SEMA4B: variants seen among roughly 807,000 people sequenced by gnomAD.
SEMA4B encodes the protein semaphorin 4B, also known as semaphorin-4B.
SEMA4B carries 55 observed loss-of-function variants against 88.1 expected under a neutral mutation model. The observed-to-expected ratio is 0.62, with a 90% CI of 0.50 to 0.78. The LOEUF is 0.78. Ranked by LOEUF, SEMA4B falls within the 30% of genes least tolerant of loss-of-function variation. The pLI is 0.00. For missense variants in SEMA4B, 1,062 were observed against 1,111.9 expected (o/e 0.96, Z 0.64); for synonymous variants, 525 against 473.6 (o/e 1.11, Z -1.41).
chr15:90,185,222 C>A (rs1960129246), intron 1 of SEMA4B: 1 of 377,266 alleles, frequency 2.7e-6, no homozygotes, highest in Non-Finnish European at 3.7e-6. Flanking sequence ...GCGCCACCTG[C>A]ACGCTCTGAT....
chr15:90,228,895 C>T lies in SEMA4B; in HGVS notation c.*252C>T. On this transcript the variant is annotated 3_prime_UTR_variant, in exon 14 of 14. Coordinates refer to ENST00000411539, the MANE Select transcript of SEMA4B (RefSeq NM_198925.4). ...GCCTGCCTAGGTTGGTGGAACAGTG[C>T]TCCTTATGTAAACTGAGCCCTTTGT... 1.7e-6 allele frequency: 1 copy of T among 582,170 alleles called. No homozygotes were observed. Among genetic ancestry groups the T allele is most frequent in the Non-Finnish European group, 3.0e-6 (1 of 328,228 alleles). The allele number at this position is 582,170 out of a possible 1,614,324, so 36.1% of individuals were successfully genotyped here.
intron 1 of SEMA4B, among the ~76,000 whole-genome samples, chr15:90,216,392 G>A (rs761957836): frequency 6.6e-6 from 1 of 151,994 alleles, no homozygotes; most frequent in Non-Finnish European, 1.5e-5. Flanking sequence ...TCACCGTACT[G>A]TATTCACTTC....
intron 3 of SEMA4B, 173 bp downstream of exon 3, chr15:90,218,002 T>A: frequency 1.7e-6 from 1 of 584,500 alleles, no homozygotes; most frequent in South Asian, 2.0e-5. Context: ...CTTACATCGC[T>A]ACGACCTTCG....
chr15:90,197,152 C>T (rs8038266), upstream of SEMA4B, among the ~76,000 whole-genome samples: 1 of 151,904 alleles, frequency 6.6e-6, no homozygotes, highest in African/African-American at 2.4e-5. Flanking sequence ...TTTGGGAGGC[C>T]GAGGTGGGCA....
At chr15:90,225,975 C>G in intron 12 of SEMA4B, 148 bp downstream of exon 12, 1 of 584,712 alleles carries the variant, frequency 1.7e-6, no homozygotes, top group Non-Finnish European at 2.7e-6. Flanking sequence ...CCTGCTTCCT[C>G]TCAAGTGCAA....
At position 90,201,384 on chromosome 15, in the gene SEMA4B, G is replaced by A. The variant is rs973908484; in HGVS notation, c.-195G>A. 3.2e-6 allele frequency: 4 copies of A among 1,263,512 alleles called. No homozygotes were observed. The highest frequency in any genetic ancestry group is 3.3e-5 in the East Asian group (1 of 30,294). The allele number at this position is 1,263,512 out of a possible 1,614,324, so 78.3% of individuals were successfully genotyped here. A position where few individuals can be genotyped will look rare whatever the true frequency, so the allele number is the denominator to read the frequency against. Reference sequence around the variant, plus strand: ...GCTGCGGGGCCGGCGCCGGCGGGAGGACTGCGGTGCCCCGCGGAGGGGCTG... The same window carrying A: ...GCTGCGGGGCCGGCGCCGGCGGGAGAACTGCGGTGCCCCGCGGAGGGGCTG... On this transcript the variant is annotated 5_prime_UTR_variant, in exon 1 of 14. Coordinates refer to ENST00000411539, the MANE Select transcript of SEMA4B (RefSeq NM_198925.4).
chr15:90,228,614 G>T lies in SEMA4B; in HGVS notation c.2485G>T (p.Gly829Cys). Residue 829 changes from glycine to cysteine, a missense_variant, in exon 14 of 14, where the codon GGC becomes TGC. By Grantham distance (159) the Gly-to-Cys change is radical. Transcript: ENST00000411539. ...GTGCCCCCGGCCCCGGGTCCGCCTT[G>T]GCTCGGAGATCCGTGACTCTGTGGT... is the stretch of plus-strand genomic sequence containing the variant. Reference protein sequence around the residue: ...PVCPRPRVRLGSEIRDSVV With the variant: ...PVCPRPRVRLCSEIRDSVV 3 of 1,613,420 alleles carry T rather than the reference G, an allele frequency of 1.9e-6. No homozygotes were observed. The highest frequency in any genetic ancestry group is 2.5e-6 in the Non-Finnish European group (3 of 1,179,882).
intron 1 of SEMA4B, among the ~76,000 whole-genome samples, chr15:90,186,120 GACAGGGTTTCACC>G (rs1276655490): frequency 2.0e-5 from 3 of 151,806 alleles, no homozygotes; most frequent in African/African-American, 7.3e-5. Context: ...TTTTAGTAGA[GACAGGGTTTCACC>G]ATGTTGGCTA....
chr15:90,191,485 C>T lies in SEMA4B; in HGVS notation c.-122+6404C>T, dbSNP rs151117313. On this transcript the variant is annotated intron_variant, in intron 1 of 14. Transcript: ENST00000332496. ...GCATTCACTACATGCCAGTGTTGCC[C>T]GTGGCTTTATATGTACTCTCTCCAG... Among the ~76,000 whole-genome samples the T allele has an allele frequency of 3.6e-4, 55 of 152,284 alleles. 1 individual carries two copies. The highest frequency in any genetic ancestry group is 5.9e-4 in the Admixed American group (9 of 15,296).
chr15:90,225,451 A>T, intron 11 of SEMA4B, 54 bp downstream of exon 11: 2 of 1,464,818 alleles, frequency 1.4e-6, no homozygotes, highest in Non-Finnish European at 1.9e-6. Flanking sequence ...GCCCTCCATT[A>T]GCACCAAGCA....
At chr15:90,197,949 T>C (rs1186820004), upstream of SEMA4B, among the ~76,000 whole-genome samples, 2 of 149,788 alleles carry the variant, frequency 1.3e-5, no homozygotes, top group East Asian at 2.0e-4. Context: ...TTTTTTGAGA[T>C]GGAGTCTCGC....
rs762764852 is a variant in SEMA4B, at chr15:90,217,763, C to T, written c.322-4C>T. The T allele has an allele frequency of 1.2e-6, 2 of 1,613,274 alleles. No homozygotes were observed. The highest frequency in any genetic ancestry group is 1.3e-5 in the African/African-American group (1 of 74,888). On this transcript the variant is annotated splice_polypyrimidine_tract_variant and splice_region_variant and intron_variant, in intron 2 of 13. Coordinates refer to ENST00000411539, the MANE Select transcript of SEMA4B (RefSeq NM_198925.4). ...CCACTACCTTCCCCTTTCTCATTCC[C>T]CAGCTGCTTTGGGGTGCAGACGCAG...
rs550752774 is a variant in SEMA4B at position 90,202,172 on chromosome 15, C to G, written c.157+437C>G. Among the ~76,000 whole-genome samples, 8 of 152,386 alleles carry G rather than the reference C, an allele frequency of 5.2e-5. No homozygotes were observed. The South Asian group carries it at 1.0e-3, about 20-fold the overall frequency. On this transcript the variant is annotated intron_variant, in intron 1 of 13. Coordinates refer to ENST00000411539, the MANE Select transcript of SEMA4B (RefSeq NM_198925.4). ...CAGCAAGTCGCAGCAGGGCCGGGAG[C>G]TGTGGTGGGCGGGCAGGCGCCCGAT... is the stretch of plus-strand genomic sequence containing the variant.
chr15:90,199,056 T>C (rs1960609190), upstream of SEMA4B, among the ~76,000 whole-genome samples: 1 of 152,120 alleles, frequency 6.6e-6, no homozygotes, highest in Non-Finnish European at 1.5e-5. Flanking sequence ...GTGTTCTTAG[T>C]AGAGATGGGG....
chr15:90,222,575 A>C (rs1174156345), intron 7 of SEMA4B, among the ~76,000 whole-genome samples: 1 of 152,066 alleles, frequency 6.6e-6, no homozygotes, highest in Non-Finnish European at 1.5e-5. Flanking sequence ...CTCAAAAAAA[A>C]AAATGTGAAA....
chr15:90,194,964 T>C (rs1339144417), intron 1 of SEMA4B, among the ~76,000 whole-genome samples: 1 of 152,060 alleles, frequency 6.6e-6, no homozygotes, highest in East Asian at 1.9e-4. Context: ...GAAATGCCAT[T>C]ATCATAGCTA....
chr15:90,227,937 C>G lies in SEMA4B; in HGVS notation c.1808C>G (p.Pro603Arg), dbSNP rs761764033. ...CCATGTGAGCAAGTCCAGTTCCAGCCCAACACAGTGAACACTTTGGCCTGC... is the reference window on the plus strand; with the variant it reads ...CCATGTGAGCAAGTCCAGTTCCAGCGCAACACAGTGAACACTTTGGCCTGC... The part of the protein sequence containing the change: ...EKPCEQVQFQ[P>R]NTVNTLACPL... Residue 603 changes from proline (P) to arginine (R), a missense_variant, in exon 14 of 14, where the codon CCC (proline) becomes CGC (arginine). Transcript: ENST00000411539. 3.1e-6 allele frequency: 5 copies of G among 1,613,386 alleles called. No individual in the cohort carries two copies. Among genetic ancestry groups the G allele is most frequent in the Non-Finnish European group, 4.2e-6 (5 of 1,179,876 alleles).
At position 90,206,074 on chromosome 15, in the gene SEMA4B, A is replaced by C. The variant is rs115716342; in HGVS notation, c.157+4339A>C. 3.3e-3 allele frequency among the ~76,000 whole-genome samples: 508 copies of C among 152,282 alleles called. 2 individuals carry two copies. The highest frequency in any genetic ancestry group is 0.011 in the African/African-American group (474 of 41,534). On this transcript the variant is annotated intron_variant, in intron 1 of 13. Transcript: ENST00000411539. ...TGCACAACTTTTGGGGCATATCTGG[A>C]TATACCAGCATGTTCATCCTCTAGG...
At chr15:90,221,225 T>G in intron 5 of SEMA4B, 132 bp downstream of exon 5, 1 of 1,106,614 alleles carries the variant, frequency 9.0e-7, no homozygotes, top group East Asian at 2.6e-5. Context: ...GGGGCTTGCC[T>G]TGGGTTTGGT....
Sources: gnomAD v4.1 joint callset for allele counts (sites outside exome capture counted in the v4.1 genomes callset) on GRCh38, gnomAD v4.1.1 for gene constraint, MANE v1.5 for transcripts, NCBI Gene and HGNC (gene_info 2026-07-23, HGNC 2026-07-21) for gene names.